Variants in SLC34A3 observed in about 807,000 individuals in gnomAD.
SLC34A3 encodes solute carrier family 34 member 3, also known as sodium-dependent phosphate transport protein 2C.
In SLC34A3, 60 loss-of-function variants were observed where a neutral mutation model predicts 43.9. The ratio of observed to expected loss-of-function variants is 1.37; its 90% CI spans 1.11 to 1.70. The LOEUF (loss-of-function observed/expected upper bound fraction) is 1.70, where lower values mean the gene tolerates loss of function less well. SLC34A3 is among the 40% of genes most tolerant of loss of function. The probability of loss-of-function intolerance (pLI) is 0.00; values close to 1 mark genes in which losing one functional copy is unlikely to be tolerated. For synonymous variants in SLC34A3, 451 were observed against 386.2 expected (o/e 1.17, Z -1.97); for missense variants, 969 against 823.8 (o/e 1.18, Z -2.16).
In SLC34A3 at chr9:137,234,837, C is replaced by G. The variant is rs1836492615; in HGVS notation, c.1335+106C>G. On this transcript the variant is annotated intron_variant, in intron 12 of 12. Transcript: ENST00000673835. The surrounding 1 kb of genome is among the most constrained non-coding windows in gnomAD (Gnocchi z 6.9). ...GGCCCTAGGCTGGCTGTGCCCCCGC[C>G]TTCCTGGACCCCTTCCCTGGCCGCC... 1.3e-6 allele frequency: 2 copies of G among 1,533,376 alleles called. No individual in the cohort carries two copies. The highest frequency in any genetic ancestry group is 1.8e-6 in the Non-Finnish European group (2 of 1,128,180). The allele number at this position is 1,533,376 out of a possible 1,614,324, so 95.0% of individuals were successfully genotyped here.
chr9:137,236,326 C>G lies in SLC34A3; in HGVS notation c.1710C>G (p.Cys570Trp). 1 of 1,542,518 alleles carries G rather than the reference C, an allele frequency of 6.5e-7. No individual in the cohort carries two copies. The highest frequency in any genetic ancestry group is 2.0e-5 in the Admixed American group (1 of 51,006). Residue 570 changes from cysteine (C) to tryptophan (W), a missense_variant, in exon 13 of 13, where the codon TGC becomes TGG. Cys to Trp is a radical substitution (Grantham distance 215). Transcript: ENST00000673835. Reference sequence around the variant, plus strand: ...GGGACCGCCTGGTGACCCGCTGCTGCCCCTGCAACGTCTGCAGCCCCCCGA... The same window carrying G: ...GGGACCGCCTGGTGACCCGCTGCTGGCCCTGCAACGTCTGCAGCCCCCCGA... ...EPWDRLVTRC[C>W]PCNVCSPPKA...
At chr9:137,235,828 C>A (rs1277010397) in intron 12 of SLC34A3, 124 bp from the exon 13 acceptor site, 9 of 878,206 alleles carry the variant, frequency 1.0e-5, no homozygotes, top group African/African-American at 1.7e-5. Context: ...GCCATCTCAT[C>A]CGTGAAGCAG....
At chr9:137,233,779 T>TGGGGGCCCCCC in intron 8 of SLC34A3, 57 bp downstream of exon 8, 1 of 1,445,808 alleles carries the variant, frequency 6.9e-7, no homozygotes, top group Non-Finnish European at 9.6e-7. Context: ...TGCTGAGTCA[T>TGGGGGCCCCCC]CCCGCCCCAC....
chr9:137,235,900 T>C, intron 12 of SLC34A3, 52 bp from the exon 13 acceptor site: 1 of 1,572,150 alleles, frequency 6.4e-7, no homozygotes, highest in Non-Finnish European at 8.7e-7. Context: ...CCGGGGCCCC[T>C]GGTGACCCCA....
intron 12 of SLC34A3, 86 bp from the exon 13 acceptor site, chr9:137,235,866 T>C: frequency 8.1e-7 from 1 of 1,227,750 alleles, no homozygotes; most frequent in East Asian, 2.3e-5. Context: ...GCGCTCCTTC[T>C]GTAGGGTGGA....
chr9:137,233,515 G>C (rs2131410796), intron 7 of SLC34A3, 111 bp downstream of exon 7: 1 of 1,564,670 alleles, frequency 6.4e-7, no homozygotes, highest in East Asian at 2.3e-5. Flanking sequence ...CCCTGTCCTG[G>C]GACAGGGGAG....
At chr9:137,231,416 G>A (rs1836206353) in intron 1 of SLC34A3, among the ~76,000 whole-genome samples, 2 of 152,156 alleles carry the variant, frequency 1.3e-5, no homozygotes, top group Admixed American at 6.5e-5. Context: ...CAAGGGAGCC[G>A]GGGAGCTGGA....
chr9:137,231,392 C>A (rs1344308742), intron 1 of SLC34A3, among the ~76,000 whole-genome samples: 1 of 152,180 alleles, frequency 6.6e-6, no homozygotes, highest in Non-Finnish European at 1.5e-5. Flanking sequence ...CACTAGCCTT[C>A]CAGTCAGGAC....
At chr9:137,231,882 CG>C in intron 2 of SLC34A3, 95 bp downstream of exon 2, 2 of 1,254,064 alleles carry the variant, frequency 1.6e-6, no homozygotes, top group Non-Finnish European at 1.2e-6. Flanking sequence ...GCGGGCCTCC[CG>C]GGGAACCCAC....
chr9:137,236,198 G>C lies in SLC34A3; in HGVS notation c.1582G>C (p.Val528Leu). 2 of 1,597,172 alleles carry C rather than the reference G, an allele frequency of 1.3e-6. No individual in the cohort carries two copies. The highest frequency in any genetic ancestry group is 1.7e-6 in the Non-Finnish European group (2 of 1,174,032). ...GGPLVGLVLL[V>L]ILVTVLQRRR... ...TCCCCTGGTGGGGCTGGTGCTCCTC[G>C]TCATCCTGGTTACTGTCCTGCAGCG... Residue 528 changes from valine (V) to leucine (L), a missense_variant, in exon 13 of 13, where the codon GTC becomes CTC. By Grantham distance (32) the Val-to-Leu change is conservative. Coordinates refer to ENST00000673835, the MANE Select transcript of SLC34A3 (RefSeq NM_001177316.2).
chr9:137,236,449 C>T lies in SLC34A3; in HGVS notation c.*33C>T. On this transcript the variant is annotated 3_prime_UTR_variant, in exon 13 of 13. Transcript: ENST00000673835. Reference sequence around the variant, plus strand: ...TTGCTGAGCAGACCGCCCCACCCTCCCCGGCTGGGAGGGCTCTGGAGGGCC... The same window carrying T: ...TTGCTGAGCAGACCGCCCCACCCTCTCCGGCTGGGAGGGCTCTGGAGGGCC... 1 of 1,525,756 alleles carries T rather than the reference C, an allele frequency of 6.6e-7. No homozygotes were observed. Among genetic ancestry groups the T allele is most frequent in the Non-Finnish European group, 8.8e-7 (1 of 1,137,834 alleles). 94.5% of individuals were successfully genotyped at this position (1,525,756 alleles called of 1,614,324 possible).
At position 137,236,523 on chromosome 9, in the gene SLC34A3, C is replaced by T. The variant is rs553682484; in HGVS notation, c.*107C>T. 122 of 946,074 alleles carry T rather than the reference C, an allele frequency of 1.3e-4. No homozygotes were observed. The highest frequency in any genetic ancestry group is 1.8e-4 in the Non-Finnish European group (107 of 611,420). The allele number at this position is 946,074 out of a possible 1,614,324, so 58.6% of individuals were successfully genotyped here. On this transcript the variant is annotated 3_prime_UTR_variant, in exon 13 of 13. Coordinates refer to ENST00000673835, the MANE Select transcript of SLC34A3 (RefSeq NM_001177316.2). ...GCTGACCTCCGGTCACCTGCTTCCC[C>T]TTCTGTGCAAATAAACCAGGCTGTT...
rs779868792 is a variant in SLC34A3 at position 137,235,616 on chromosome 9, TG to T, written c.1336-332del. Among the ~76,000 whole-genome samples, 27 of 152,216 alleles carry T rather than the reference TG, an allele frequency of 1.8e-4. No homozygotes were observed. In the Middle Eastern group the frequency reaches 0.01, roughly 58 times the overall value. Reference sequence around the variant, plus strand: ...CCTGGACTGTGCAGGCTCAGCACACTGGGGACTGAGGAGACGGGGTCTCTTG... The same window carrying T: ...CCTGGACTGTGCAGGCTCAGCACACTGGGACTGAGGAGACGGGGTCTCTTG... On this transcript the variant is annotated intron_variant, in intron 12 of 12. Coordinates refer to ENST00000673835, the MANE Select transcript of SLC34A3 (RefSeq NM_001177316.2).
chr9:137,230,313 A>G (rs1211720654), upstream of SLC34A3, among the ~76,000 whole-genome samples: 1 of 152,076 alleles, frequency 6.6e-6, no homozygotes, highest in East Asian at 1.9e-4. Context: ...CGCTGGCTAT[A>G]CCAGGGCCGA....
chr9:137,231,529 G>A lies in SLC34A3; in HGVS notation c.-39-135G>A, dbSNP rs558788636. On this transcript the variant is annotated intron_variant, in intron 1 of 12. Transcript: ENST00000673835. ...GGATGGAGAAAGGGGGATGGTCACT[G>A]AGGCCTGCAGGGCGTAGAGAGGGAG... 108 of 665,634 alleles carry A rather than the reference G, an allele frequency of 1.6e-4. 1 individual carries two copies. Among genetic ancestry groups the A allele is most frequent in the African/African-American group, 6.9e-4 (39 of 56,378 alleles). 41.2% of individuals were successfully genotyped at this position (665,634 alleles called of 1,614,324 possible).
At chr9:137,233,779 T>TCAC in intron 8 of SLC34A3, 57 bp downstream of exon 8, 19 of 1,445,690 alleles carry the variant, frequency 1.3e-5, no homozygotes, top group South Asian at 4.7e-5. Context: ...TGCTGAGTCA[T>TCAC]CCCGCCCCAC....
chr9:137,232,730 C>T (rs770425926), intron 4 of SLC34A3, 27 bp downstream of exon 4: 19 of 1,612,768 alleles, frequency 1.2e-5, no homozygotes, highest in Admixed American at 1.0e-4. Context: ...GTGCCCAGGG[C>T]GGGGCGGGCA....
Position 137,234,236 on chromosome 9 carries a change from C to T in SLC34A3, c.1053C>T (p.Arg351=), listed in dbSNP as rs368516022. Residue 351 remains arginine, a synonymous_variant, in exon 10 of 13, where the codon CGC becomes CGT. Transcript: ENST00000673835. This position sits in a 1 kb window ranked among gnomAD's most constrained non-coding sequence, Gnocchi z 6.9. Reference sequence around the variant, plus strand: ...TCAAGCTGCTCAACTCTGTGCTGCGCGGCCGCGTGGCCCAGGTCGTGAGGA... The same window carrying T: ...TCAAGCTGCTCAACTCTGTGCTGCGTGGCCGCGTGGCCCAGGTCGTGAGGA... The part of the protein sequence containing the change: ...LIVKLLNSVL[R]GRVAQVVRTV... 6.5e-5 allele frequency: 104 copies of T among 1,610,042 alleles called. No homozygotes were observed. Among genetic ancestry groups the T allele is most frequent in the Non-Finnish European group, 8.6e-5 (102 of 1,179,202 alleles).
chr9:137,231,685 T>C lies in SLC34A3; in HGVS notation c.-18T>C, dbSNP rs757812674. ...GCAGATCTAGACCTGGGCCTGGGTC[T>C]GTCCCTGCCCGAAATCCATGCCGAG... On this transcript the variant is annotated 5_prime_UTR_variant, in exon 2 of 13. Coordinates refer to ENST00000673835, the MANE Select transcript of SLC34A3 (RefSeq NM_001177316.2). 52 of 1,610,874 alleles carry C rather than the reference T, an allele frequency of 3.2e-5. No homozygotes were observed. Among genetic ancestry groups the C allele is most frequent in the Non-Finnish European group, 4.3e-5 (51 of 1,178,268 alleles).
Sources: allele counts gnomAD v4.1 joint callset (sites outside exome capture counted in the v4.1 genomes callset), GRCh38; gene constraint gnomAD v4.1.1; non-coding constraint Gnocchi (gnomAD v3.1); transcripts MANE v1.5; gene names NCBI Gene and HGNC (gene_info 2026-07-23, HGNC 2026-07-21).